Variants in AR observed in about 807,000 individuals in gnomAD.
The protein encoded by AR is dihydrotestosterone receptor.
Under a neutral mutation model 53.9 loss-of-function variants are expected in AR, and 8 were observed. That is an observed-to-expected ratio of 0.15 (90% confidence interval 0.09 to 0.27). The LOEUF is 0.27. Ranked by LOEUF, AR falls within the 10% of genes least tolerant of loss-of-function variation. AR has a pLI of 1.00. For missense variants in AR, 639 were observed against 742.5 expected (o/e 0.86, Z 1.62); for synonymous variants, 359 against 316.4 (o/e 1.13, Z -1.43).
Position 67,728,867 on chromosome X carries a change from A to G in AR, c.*5026A>G, listed in dbSNP as rs1213263367. On this transcript the variant is annotated 3_prime_UTR_variant, in exon 8 of 8. Transcript: ENST00000374690. Reference sequence around the variant, plus strand: ...ATGATACATTGTACTTTACTAGTTCAAGACAGATGAATGTGGAAAGCATAA... The same window carrying G: ...ATGATACATTGTACTTTACTAGTTCGAGACAGATGAATGTGGAAAGCATAA... 1.2e-5 allele frequency: 2 copies of G among 168,331 alleles called. No individual in the cohort carries two copies. The highest frequency in any genetic ancestry group is 1.1e-5 in the Non-Finnish European group (1 of 88,227). 13.9% of individuals were successfully genotyped at this position (168,331 alleles called of 1,213,427 possible).
chrX:67,653,441 A>G (rs1174152299), intron 2 of AR, among the ~76,000 whole-genome samples: 1 of 111,838 alleles, frequency 8.9e-6, no homozygotes, highest in Non-Finnish European at 1.9e-5. Context: ...CAGAGGAGTT[A>G]AGGGTTGATC....
At chrX:67,662,198 C>G (rs1164431768) in intron 2 of AR, among the ~76,000 whole-genome samples, 3 of 111,431 alleles carry the variant, frequency 2.7e-5, no homozygotes, top group African/African-American at 9.8e-5. Context: ...TCCTTCAGTT[C>G]TGCTCTGATC....
At chrX:67,710,619 C>A (rs1313541970) in intron 3 of AR, among the ~76,000 whole-genome samples, 1 of 111,876 alleles carries the variant, frequency 8.9e-6, no homozygotes. Flanking sequence ...AGGCATGAAC[C>A]ACCTTACCCA....
rs1602170532 is a variant in AR at position 67,582,532 on chromosome X, T to C, written c.1616+35770T>C. Reference sequence around the variant, plus strand: ...GTAGACAGAATTGCCTTTGACTTAATCTGTTTCAGTCGTTGTTCATACTCA... The same window carrying C: ...GTAGACAGAATTGCCTTTGACTTAACCTGTTTCAGTCGTTGTTCATACTCA... On this transcript the variant is annotated intron_variant, in intron 1 of 7. Transcript: ENST00000374690. Among the ~76,000 whole-genome samples the C allele has an allele frequency of 5.4e-5, 6 of 111,878 alleles. 1 individual carries two copies. The Admixed American group carries it at 5.7e-4, about 11-fold the overall frequency.
chrX:67,710,524 T>A (rs1484731534), intron 3 of AR, among the ~76,000 whole-genome samples: 1 of 110,206 alleles, frequency 9.1e-6, no homozygotes, highest in Non-Finnish European at 1.9e-5. Context: ...GATGGTGTAT[T>A]GTCTTGTGGT....
In AR at chrX:67,646,692, T is replaced by C. The variant is rs1926074683; in HGVS notation, c.1768+3285T>C. ...TTGTGTAGACTTGGATAAGAAATTT[T>C]CCCTTTTGGACCTCAGTTTTCCTTG... On this transcript the variant is annotated intron_variant, in intron 2 of 7. Transcript: ENST00000374690. Among the ~76,000 whole-genome samples the C allele has an allele frequency of 2.7e-5, 3 of 110,579 alleles. No individual in the cohort carries two copies. In the South Asian group the frequency reaches 1.2e-3, roughly 43 times the overall value.
intron 2 of AR, among the ~76,000 whole-genome samples, chrX:67,652,088 C>T (rs1054046849): frequency 2.7e-5 from 3 of 111,709 alleles, no homozygotes; most frequent in African/African-American, 6.5e-5. Flanking sequence ...CATGGGGCCA[C>T]GAGCAAGAGA....
At chrX:67,627,428 T>A (rs1012630121) in intron 1 of AR, among the ~76,000 whole-genome samples, 2 of 112,434 alleles carry the variant, frequency 1.8e-5, no homozygotes, top group Admixed American at 1.9e-4. Context: ...ATAAATGTCT[T>A]CTTTTTAGAA....
In AR at chrX:67,545,991, C is replaced by G. The variant is rs755394428; in HGVS notation, c.845C>G (p.Thr282Ser). 1.5e-5 allele frequency: 18 copies of G among 1,212,420 alleles called. No individual in the cohort carries two copies. In the East Asian group the frequency reaches 4.4e-4, roughly 30 times the overall value. ...LLGVPPAVRPTPCAPLAECKG... is the reference protein window; with the variant it reads ...LLGVPPAVRPSPCAPLAECKG... ...GGAGTTCCACCCGCTGTGCGTCCCACTCCTTGTGCCCCATTGGCCGAATGC... is the reference window on the plus strand; with the variant it reads ...GGAGTTCCACCCGCTGTGCGTCCCAGTCCTTGTGCCCCATTGGCCGAATGC... The change falls in exon 1 of 8, where the codon ACT (threonine) becomes AGT (serine). Residue 282 changes from threonine to serine, a missense_variant. By Grantham distance (58) the Thr-to-Ser change is moderately conservative. This residue lies in a region of AR where 423 missense variants were observed against 377.0 expected (regional missense o/e 1.12). Coordinates refer to ENST00000374690, the MANE Select transcript of AR (RefSeq NM_000044.6).
At chrX:67,704,892 T>C (rs1258874045) in intron 3 of AR, among the ~76,000 whole-genome samples, 3 of 112,099 alleles carry the variant, frequency 2.7e-5, no homozygotes, top group African/African-American at 9.7e-5. Flanking sequence ...GCACCATTTG[T>C]TAAATAGGGA....
At chrX:67,610,795 A>AAG (rs1459902166) in intron 1 of AR, among the ~76,000 whole-genome samples, 1 of 111,543 alleles carries the variant, frequency 9.0e-6, no homozygotes, top group African/African-American at 3.3e-5. Flanking sequence ...TTTTGATATT[A>AAG]AGAGTAGTGC....
chrX:67,660,424 C>G (rs1427334530), intron 2 of AR, among the ~76,000 whole-genome samples: 5 of 111,707 alleles, frequency 4.5e-5, no homozygotes, highest in African/African-American at 1.6e-4. Flanking sequence ...TTTCAGCTGT[C>G]TACATATGGC....
intron 2 of AR, among the ~76,000 whole-genome samples, chrX:67,672,829 T>G (rs1236109746): frequency 9.0e-6 from 1 of 111,623 alleles, no homozygotes; most frequent in East Asian, 2.8e-4. Flanking sequence ...TTTTTCTGTG[T>G]ACTTTCAATT....
rs1197163778 is a variant in AR at position 67,589,132 on chromosome X, G to A, written c.1616+42370G>A. On this transcript the variant is annotated intron_variant, in intron 1 of 7. Transcript: ENST00000374690. ...CTGTTAATTAGCCGGGCGCGGTGGCGGGCGCCTGTAGTCCCAGCTACTCGG... is the reference window on the plus strand; with the variant it reads ...CTGTTAATTAGCCGGGCGCGGTGGCAGGCGCCTGTAGTCCCAGCTACTCGG... Among the ~76,000 whole-genome samples the A allele has an allele frequency of 6.3e-5, 7 of 111,746 alleles. No individual in the cohort carries two copies. In the Admixed American group the frequency reaches 6.6e-4, roughly 10 times the overall value.
At chrX:67,555,144 T>C (rs956188759) in intron 1 of AR, among the ~76,000 whole-genome samples, 1 of 110,239 alleles carries the variant, frequency 9.1e-6, no homozygotes, top group Admixed American at 9.7e-5. Flanking sequence ...ATGATGCCTG[T>C]ATGAGATCCT....
chrX:67,637,953 C>A (rs1177886578), intron 1 of AR, among the ~76,000 whole-genome samples: 1 of 110,987 alleles, frequency 9.0e-6, no homozygotes, highest in Non-Finnish European at 1.9e-5. Context: ...TTAGATATTT[C>A]TCCTAATGCT....
intron 2 of AR, among the ~76,000 whole-genome samples, chrX:67,665,515 G>C (rs960831092): frequency 8.9e-6 from 1 of 112,033 alleles, no homozygotes; most frequent in Admixed American, 9.4e-5. Context: ...TTTCCCATAA[G>C]GTGGCTGACT....
rs1555997940 is a variant in AR, at chrX:67,723,312, C to CTCTGTGTGTGTGTGTGTGTGTG, written c.2607+329_2607+330insCTGTGTGTGTGTGTGTGTGTGT. Among the ~76,000 whole-genome samples the CTCTGTGTGTGTGTGTGTGTGTG allele has an allele frequency of 1.0e-3, 80 of 78,018 alleles. 3 individuals are homozygous for CTCTGTGTGTGTGTGTGTGTGTG. Among genetic ancestry groups the CTCTGTGTGTGTGTGTGTGTGTG allele is most frequent in the African/African-American group, 4.0e-3 (73 of 18,397 alleles). The allele number at this position is 78,018 out of a possible 115,157, so 67.7% of individuals were successfully genotyped here. On this transcript the variant is annotated intron_variant, in intron 7 of 7. Transcript: ENST00000374690. ...GTCATGTTCATGTGAGTTTGTCTGTCTGTGTGTGTGTGTGTGTGTGTGTGT... is the reference window on the plus strand; with the variant it reads ...GTCATGTTCATGTGAGTTTGTCTGTCTCTGTGTGTGTGTGTGTGTGTGTGTGTGTGTGTGTGTGTGTGTGTGT...
At chrX:67,553,991 T>A (rs1232913198) in intron 1 of AR, among the ~76,000 whole-genome samples, 1 of 112,223 alleles carries the variant, frequency 8.9e-6, no homozygotes. Flanking sequence ...CTTACTTCAT[T>A]TCATCCTGTA....
Sources: gnomAD v4.1 joint callset for allele counts (sites outside exome capture counted in the v4.1 genomes callset) on GRCh38, gnomAD v4.1.1 for gene constraint, gnomAD v4.1.1 regional missense constraint, MANE v1.5 for transcripts, NCBI Gene and HGNC (gene_info 2026-07-23, HGNC 2026-07-21) for gene names.